The following FBXO34 variants were observed in gnomAD, a reference collection of about 807,000 sequenced individuals.
The protein encoded by FBXO34 is F-box protein 34.
A neutral mutation model predicts 24.5 loss-of-function variants in FBXO34; 12 were observed. The observed-to-expected ratio is 0.49, with a 90% CI of 0.31 to 0.79. The LOEUF (loss-of-function observed/expected upper bound fraction) is 0.79, where lower values mean the gene tolerates loss of function less well. Ranked by LOEUF, FBXO34 falls within the 30% of genes least tolerant of loss-of-function variation. The pLI, the probability that FBXO34 is intolerant of heterozygous loss-of-function variation, is 0.04. For synonymous variants in FBXO34, 320 were observed against 311.9 expected (o/e 1.03, Z -0.27); for missense variants, 823 against 857.7 (o/e 0.96, Z 0.51).
At chr14:55,381,155 T>C in the FBXO34 span, among the ~76,000 whole-genome samples, 1 of 152,130 alleles carries the variant, frequency 6.6e-6, no homozygotes. Flanking sequence ...ACTTGCTTCC[T>C]ACCTTTCTCC....
intron 1 of FBXO34, among the ~76,000 whole-genome samples, chr14:55,288,446 G>A (rs947342843): frequency 6.6e-6 from 1 of 152,076 alleles, no homozygotes; most frequent in Non-Finnish European, 1.5e-5. Context: ...TAGATTTTGA[G>A]TAACTCTTGT....
At chr14:55,391,190 A>G in the FBXO34 span, 1 of 464,204 alleles carries the variant, frequency 2.2e-6, no homozygotes, top group Non-Finnish European at 3.8e-6. Context: ...AGAAAAGAGA[A>G]ATTAGGCCAG....
chr14:55,342,170 C>G (rs1212662076), intron 1 of FBXO34, among the ~76,000 whole-genome samples: 2 of 152,158 alleles, frequency 1.3e-5, no homozygotes, highest in Non-Finnish European at 2.9e-5. Context: ...TCTCTACCTT[C>G]TGGAAGTTAG....
At chr14:55,365,040 G>GA (rs1418693880), downstream of FBXO34, among the ~76,000 whole-genome samples, 24 of 143,310 alleles carry the variant, frequency 1.7e-4, no homozygotes, top group African/African-American at 6.3e-4. Context: ...CTAATGTGGT[G>GA]AAACCCCATC....
At chr14:55,423,231 G>A in the FBXO34 span, among the ~76,000 whole-genome samples, 3 of 152,156 alleles carry the variant, frequency 2.0e-5, no homozygotes, top group Non-Finnish European at 2.9e-5. Context: ...GTTTTCTTTG[G>A]TACCATTTTG....
intron 1 of FBXO34, among the ~76,000 whole-genome samples, chr14:55,280,683 C>T (rs996686663): frequency 5.9e-5 from 9 of 152,062 alleles, no homozygotes; most frequent in Admixed American, 1.3e-4. Flanking sequence ...CCCGCCACCT[C>T]GCCCGGCTAA....
intron 1 of FBXO34, among the ~76,000 whole-genome samples, chr14:55,296,735 TAC>T (rs1419468785): frequency 6.6e-6 from 1 of 152,126 alleles, no homozygotes; most frequent in Non-Finnish European, 1.5e-5. Context: ...GCCCATAATT[TAC>T]ACAAAATTAT....
In FBXO34 at chr14:55,290,893, C is replaced by T. The variant is rs967517948; in HGVS notation, c.-11+19356C>T. On this transcript the variant is annotated intron_variant, in intron 1 of 1. Coordinates refer to ENST00000313833, the MANE Select transcript of FBXO34 (RefSeq NM_017943.4). ...GGAGTGCAGTGGCACTATCTCAGCTCACTGCAACTTCTGCCTCCGGAGTTC... is the reference window on the plus strand; with the variant it reads ...GGAGTGCAGTGGCACTATCTCAGCTTACTGCAACTTCTGCCTCCGGAGTTC... Among the ~76,000 whole-genome samples, 4 of 152,300 alleles carry T rather than the reference C, an allele frequency of 2.6e-5. No individual in the cohort carries two copies. The South Asian group carries it at 8.3e-4, about 32-fold the overall frequency.
intron 1 of FBXO34, among the ~76,000 whole-genome samples, chr14:55,338,159 C>G (rs1037285948): frequency 1.3e-5 from 2 of 149,916 alleles, no homozygotes; most frequent in South Asian, 2.1e-4. Flanking sequence ...AAGCAATTCT[C>G]CTGCCTCAGT....
downstream of FBXO34, chr14:55,366,385 G>A (rs1324151978): frequency 6.6e-6 from 1 of 152,592 alleles, no homozygotes; most frequent in Non-Finnish European, 1.5e-5. Context: ...ATACACATGA[G>A]CAAAGTACTG....
the FBXO34 span, chr14:55,433,788 C>T: frequency 1.4e-5 from 20 of 1,422,336 alleles, no homozygotes; most frequent in South Asian, 1.5e-4. Context: ...TTGAAAAAGC[C>T]GAGCTGAATA....
rs991933056 is a variant in FBXO34, at chr14:55,351,282, G to A, written c.892G>A (p.Glu298Lys). The change falls in exon 2 of 2, where the codon GAG becomes AAG. Residue 298 changes from glutamate to lysine, a missense_variant. Glu to Lys is a moderately conservative substitution (Grantham distance 56, BLOSUM62 1). Around this residue, in one of 2 missense-constraint regions of FBXO34, gnomAD observed 693 missense variants for 659.1 expected, o/e 1.05. Transcript: ENST00000313833. ...GTGCCTGAAGCGGCAGGGCCAGCGT[G>A]AGCCTGGGAGCCTCTCAAGGAATAA... Reference protein sequence around the residue: ...SECLKRQGQREPGSLSRNNSF... With the variant: ...SECLKRQGQRKPGSLSRNNSF... 4 of 1,614,100 alleles carry A rather than the reference G, an allele frequency of 2.5e-6. No homozygotes were observed. The highest frequency in any genetic ancestry group is 3.4e-6 in the Non-Finnish European group (4 of 1,180,050).
At chr14:55,391,737 A>G in the FBXO34 span, among the ~76,000 whole-genome samples, 6 of 152,186 alleles carry the variant, frequency 3.9e-5, no homozygotes, top group African/African-American at 1.4e-4. Flanking sequence ...GCAGATACAG[A>G]ACTCAAGCAT....
At chr14:55,357,315 A>T (rs1357119568), downstream of FBXO34, among the ~76,000 whole-genome samples, 1 of 152,188 alleles carries the variant, frequency 6.6e-6, no homozygotes, top group East Asian at 1.9e-4. Context: ...GCAGTCCCTT[A>T]TGTGGCAGCA....
the FBXO34 span, among the ~76,000 whole-genome samples, chr14:55,409,324 A>G: frequency 6.6e-6 from 1 of 152,222 alleles, no homozygotes; most frequent in Admixed American, 6.5e-5. Context: ...CAATCATTCC[A>G]TAAATCTTTA....
chr14:55,414,111 G>T, the FBXO34 span: 1 of 564,256 alleles, frequency 1.8e-6, no homozygotes, highest in Non-Finnish European at 3.4e-6. Flanking sequence ...AACGCATTGA[G>T]TCTTCATGAT....
At chr14:55,411,825 T>C in the FBXO34 span, 2 of 1,588,318 alleles carry the variant, frequency 1.3e-6, no homozygotes, top group Non-Finnish European at 1.7e-6. Flanking sequence ...GACGCCATGA[T>C]GGCCTGAGAG....
the FBXO34 span, among the ~76,000 whole-genome samples, chr14:55,404,781 G>A: frequency 6.6e-6 from 1 of 152,102 alleles, no homozygotes; most frequent in Non-Finnish European, 1.5e-5. Context: ...TTCCGATACT[G>A]TTATACACAC....
At chr14:55,319,811 G>T (rs926948182) in intron 1 of FBXO34, among the ~76,000 whole-genome samples, 1 of 152,172 alleles carries the variant, frequency 6.6e-6, no homozygotes, top group Non-Finnish European at 1.5e-5. Flanking sequence ...AAGTAGCTGG[G>T]ACTATGGGTG....
Sources: allele counts gnomAD v4.1 joint callset (sites outside exome capture counted in the v4.1 genomes callset), GRCh38; gene constraint gnomAD v4.1.1; regional missense constraint gnomAD v4.1.1; transcripts MANE v1.5; gene names NCBI Gene and HGNC (gene_info 2026-07-23, HGNC 2026-07-21).